Variants in SLC2A9 observed in about 807,000 individuals in gnomAD.
The protein encoded by SLC2A9 is solute carrier family 2 member 9.
A neutral mutation model predicts 50.6 loss-of-function variants in SLC2A9; 39 were observed. The ratio of observed to expected loss-of-function variants is 0.77; its 90% CI spans 0.60 to 1.01. The LOEUF is 1.01. SLC2A9 is among the 50% of genes least tolerant of loss of function. SLC2A9 has a pLI of 0.00. For synonymous variants in SLC2A9, 324 were observed against 276.9 expected (o/e 1.17, Z -1.69); for missense variants, 686 against 677.6 (o/e 1.01, Z -0.14).
At chr4:9,821,696 T>C (rs982920496), downstream of SLC2A9, among the ~76,000 whole-genome samples, 1 of 152,170 alleles carries the variant, frequency 6.6e-6, no homozygotes, top group African/African-American at 2.4e-5. Flanking sequence ...TGGTCTGCAG[T>C]TTTATTTTCT....
intron 5 of SLC2A9, among the ~76,000 whole-genome samples, chr4:9,974,489 G>T (rs13102218): frequency 0.72 from 107,964 of 150,446 alleles, 39,805 homozygotes; most frequent in East Asian, 0.98. Flanking sequence ...GAGAGCCAAA[G>T]CAAGAATGCA....
intron 3 of SLC2A9, among the ~76,000 whole-genome samples, chr4:9,792,163 C>CTTTTTTTTTTTTTT (rs34289788): frequency 9.1e-4 from 70 of 77,206 alleles, no homozygotes; most frequent in Middle Eastern, 0.014. Flanking sequence ...TTCTATGTTT[C>CTTTTTTTTTTTTTT]TTTTTTTTTT....
intron 9 of SLC2A9, among the ~76,000 whole-genome samples, chr4:9,889,024 AC>A (rs1377847470): frequency 6.6e-6 from 1 of 152,102 alleles, no homozygotes; most frequent in East Asian, 1.9e-4. Context: ...GCCCTACACA[AC>A]TCACTCACTG....
At chr4:9,887,664 T>C in intron 9 of SLC2A9, 22 bp from the exon 10 acceptor site, 1 of 1,488,550 alleles carries the variant, frequency 6.7e-7, no homozygotes, top group Non-Finnish European at 9.0e-7. Context: ...CAGGGAGTGG[T>C]CAGGTGAGGA....
At chr4:9,879,516 C>T in intron 10 of SLC2A9, 1 of 985,292 alleles carries the variant, frequency 1.0e-6, no homozygotes, top group Non-Finnish European at 1.2e-6. Flanking sequence ...CACATAGGTT[C>T]TGTCAAATGC....
chr4:9,784,375 T>C (rs1000776213), intron 3 of SLC2A9, among the ~76,000 whole-genome samples: 1 of 152,234 alleles, frequency 6.6e-6, no homozygotes, highest in African/African-American at 2.4e-5. Flanking sequence ...AAAGATCATG[T>C]AGAATAATAT....
intron 5 of SLC2A9, among the ~76,000 whole-genome samples, chr4:9,957,957 G>A (rs1226027879): frequency 6.6e-6 from 1 of 152,122 alleles, no homozygotes; most frequent in African/African-American, 2.4e-5. Context: ...TGAAGAGAAA[G>A]ATTCTCACCT....
chr4:9,782,662 C>A, intron 3 of SLC2A9: 1 of 1,614,014 alleles, frequency 6.2e-7, no homozygotes, highest in Non-Finnish European at 8.5e-7. Flanking sequence ...GGGAGCCCGA[C>A]GTGAATGCAG....
intron 8 of SLC2A9, among the ~76,000 whole-genome samples, chr4:9,900,454 G>A (rs1035870348): frequency 1.3e-5 from 2 of 148,358 alleles, no homozygotes; most frequent in South Asian, 4.6e-4. Context: ...TTACTTAAAA[G>A]ATATTATTCA....
At chr4:9,967,221 T>C (rs1453337217) in intron 5 of SLC2A9, among the ~76,000 whole-genome samples, 1 of 152,208 alleles carries the variant, frequency 6.6e-6, no homozygotes. Flanking sequence ...AGCAAATAAT[T>C]TTAATGACTT....
intron 10 of SLC2A9, among the ~76,000 whole-genome samples, chr4:9,848,039 G>A (rs1182752322): frequency 6.6e-6 from 1 of 152,150 alleles, no homozygotes; most frequent in East Asian, 1.9e-4. Flanking sequence ...TAGAGAGGTG[G>A]AGTGAGACTC....
At chr4:9,968,024 C>G (rs1233766600) in intron 5 of SLC2A9, among the ~76,000 whole-genome samples, 1 of 151,974 alleles carries the variant, frequency 6.6e-6, no homozygotes, top group Non-Finnish European at 1.5e-5. Flanking sequence ...AATTTGGTCC[C>G]TTATGTTAAA....
chr4:10,019,261 G>C, intron 1 of SLC2A9, 188 bp from the exon 2 acceptor site: 1 of 599,458 alleles, frequency 1.7e-6, no homozygotes, highest in Non-Finnish European at 3.0e-6. Flanking sequence ...CCAGGTCCGC[G>C]TGCGCAGGCC....
intron 9 of SLC2A9, among the ~76,000 whole-genome samples, chr4:9,889,128 A>C (rs1465648186): frequency 6.6e-6 from 1 of 152,234 alleles, no homozygotes; most frequent in African/African-American, 2.4e-5. Flanking sequence ...ATGGGAACAC[A>C]GGAGAGAGCA....
chr4:10,039,629 A>G (rs540192072), intron 1 of SLC2A9, among the ~76,000 whole-genome samples: 1 of 152,154 alleles, frequency 6.6e-6, no homozygotes, highest in Admixed American at 6.5e-5. Flanking sequence ...AGATGGTTCT[A>G]ACTTGGTCCC....
At chr4:9,865,729 A>G (rs998116215) in intron 10 of SLC2A9, among the ~76,000 whole-genome samples, 1 of 152,172 alleles carries the variant, frequency 6.6e-6, no homozygotes, top group Non-Finnish European at 1.5e-5. Flanking sequence ...CTTTCTCTCG[A>G]TGCCACATGG....
At chr4:9,986,712 G>A (rs1756785598) in intron 3 of SLC2A9, among the ~76,000 whole-genome samples, 2 of 152,018 alleles carry the variant, frequency 1.3e-5, no homozygotes, top group African/African-American at 4.8e-5. Flanking sequence ...GTGAATGGCT[G>A]GACTAATCCT....
intron 10 of SLC2A9, among the ~76,000 whole-genome samples, chr4:9,862,918 T>C (rs1731878168): frequency 6.6e-6 from 1 of 152,046 alleles, no homozygotes; most frequent in Admixed American, 6.5e-5. Context: ...GCTTGATTAA[T>C]ACTTTTAATT....
chr4:9,847,595 C>T (rs1729189361), intron 10 of SLC2A9, among the ~76,000 whole-genome samples: 1 of 152,182 alleles, frequency 6.6e-6, no homozygotes, highest in African/African-American at 2.4e-5. Context: ...TGCCAGGAAC[C>T]CATGCTGGGG....
Sources: allele counts gnomAD v4.1 joint callset (sites outside exome capture counted in the v4.1 genomes callset), GRCh38; gene constraint gnomAD v4.1.1; transcripts MANE v1.5; gene names NCBI Gene and HGNC (gene_info 2026-07-23, HGNC 2026-07-21).